SGCZ: variants seen among roughly 807,000 people sequenced by gnomAD.
SGCZ encodes zeta-sarcoglycan.
A neutral mutation model predicts 41.3 loss-of-function variants in SGCZ; 40 were observed. That is an observed-to-expected ratio of 0.97 (90% CI 0.75 to 1.26). The LOEUF (loss-of-function observed/expected upper bound fraction) is 1.26, where lower values mean the gene tolerates loss of function less well. Ranked by LOEUF, SGCZ falls within the 50% of genes most tolerant of loss-of-function variation. SGCZ has a pLI of 0.00. For missense variants in SGCZ, 552 were observed against 369.8 expected (o/e 1.49, Z -4.04); for synonymous variants, 206 against 137.5 (o/e 1.50, Z -3.49).
At chr8:14,461,552 G>C (rs1401008538) in intron 2 of SGCZ, among the ~76,000 whole-genome samples, 1 of 152,036 alleles carries the variant, frequency 6.6e-6, no homozygotes, top group African/African-American at 2.4e-5. Context: ...TTGACCATTA[G>C]CTTGACATGC....
chr8:14,706,048 T>C (rs1440393841), intron 1 of SGCZ, among the ~76,000 whole-genome samples: 4 of 152,004 alleles, frequency 2.6e-5, no homozygotes, highest in Admixed American at 1.3e-4. Flanking sequence ...TTATTTTTCT[T>C]TTATTGGGCA....
At chr8:14,473,466 T>C (rs895143311) in intron 2 of SGCZ, among the ~76,000 whole-genome samples, 5 of 152,158 alleles carry the variant, frequency 3.3e-5, no homozygotes. Context: ...CAAGAAAGTA[T>C]ACATAACATT....
chr8:14,567,201 G>A (rs12682064), intron 1 of SGCZ, among the ~76,000 whole-genome samples: 16,302 of 152,180 alleles, frequency 0.11, 1,171 homozygotes, highest in East Asian at 0.33. Flanking sequence ...CCCATGGATC[G>A]CCCAAGGGCT....
chr8:14,543,060 T>C (rs1219515166), intron 2 of SGCZ, among the ~76,000 whole-genome samples: 1 of 151,972 alleles, frequency 6.6e-6, no homozygotes, highest in Non-Finnish European at 1.5e-5. Context: ...GGTTTTACTT[T>C]AATCTGTCTG....
At chr8:15,087,216 C>T (rs1227514353) in intron 1 of SGCZ, among the ~76,000 whole-genome samples, 1 of 152,064 alleles carries the variant, frequency 6.6e-6, no homozygotes, top group African/African-American at 2.4e-5. Flanking sequence ...CAACTCATGT[C>T]ACTCTGCTGG....
intron 1 of SGCZ, among the ~76,000 whole-genome samples, chr8:14,839,012 A>AG (rs894700406): frequency 6.6e-6 from 1 of 152,134 alleles, no homozygotes; most frequent in Non-Finnish European, 1.5e-5. Flanking sequence ...AAAGACCTGG[A>AG]GGGTCTTGAG....
intron 2 of SGCZ, among the ~76,000 whole-genome samples, chr8:14,351,361 T>C (rs1803084006): frequency 6.6e-6 from 1 of 152,076 alleles, no homozygotes; most frequent in Non-Finnish European, 1.5e-5. Flanking sequence ...CTAGCATGGA[T>C]AGAAATTTCT....
chr8:15,114,755 TG>T (rs968765782), intron 1 of SGCZ, among the ~76,000 whole-genome samples: 12 of 150,022 alleles, frequency 8.0e-5, no homozygotes, highest in Middle Eastern at 3.4e-3. Context: ...GTTTTCTTTT[TG>T]TTTTTTTTTT....
At chr8:14,971,561 G>A (rs780854043) in intron 1 of SGCZ, among the ~76,000 whole-genome samples, 4 of 150,474 alleles carry the variant, frequency 2.7e-5, no homozygotes, top group Non-Finnish European at 5.9e-5. Context: ...ACTAAATTAC[G>A]TAGATTGGTT....
intron 2 of SGCZ, among the ~76,000 whole-genome samples, chr8:14,488,362 T>C (rs188126118): frequency 2.2e-5 from 2 of 92,652 alleles, no homozygotes; most frequent in East Asian, 6.8e-4. Flanking sequence ...TTTTCATCCA[T>C]TGCTTATGAG....
chr8:15,214,438 AT>A (rs1443096656), intron 1 of SGCZ, among the ~76,000 whole-genome samples: 1 of 152,144 alleles, frequency 6.6e-6, no homozygotes, highest in African/African-American at 2.4e-5. Context: ...ACTGAGGTTT[AT>A]TTGACTGTTT....
chr8:14,286,862 G>C (rs572644661), intron 3 of SGCZ, among the ~76,000 whole-genome samples: 2 of 152,086 alleles, frequency 1.3e-5, no homozygotes, highest in South Asian at 2.1e-4. Flanking sequence ...AGTACTTTTT[G>C]AGTGCTGGTA....
chr8:14,930,207 C>T (rs1169801681), intron 1 of SGCZ, among the ~76,000 whole-genome samples: 1 of 151,980 alleles, frequency 6.6e-6, no homozygotes, highest in South Asian at 2.1e-4. Context: ...CAAAAGAAGA[C>T]ATTTATGCAG....
intron 4 of SGCZ, among the ~76,000 whole-genome samples, chr8:14,227,264 T>C (rs1201101688): frequency 1.3e-5 from 2 of 152,104 alleles, no homozygotes; most frequent in Non-Finnish European, 2.9e-5. Flanking sequence ...GCAAACAGTT[T>C]TCTTTATTCT....
At chr8:15,079,175 T>C (rs1392782132) in intron 1 of SGCZ, among the ~76,000 whole-genome samples, 2 of 152,224 alleles carry the variant, frequency 1.3e-5, no homozygotes, top group African/African-American at 4.8e-5. Flanking sequence ...ACACCTGTTT[T>C]AGTTTTTCCT....
chr8:15,214,727 C>A (rs895648861), intron 1 of SGCZ, among the ~76,000 whole-genome samples: 1 of 152,126 alleles, frequency 6.6e-6, no homozygotes. Flanking sequence ...ACCTCAGACT[C>A]AAATTCTGAA....
At chr8:14,147,974 T>G (rs1393893670) in intron 5 of SGCZ, among the ~76,000 whole-genome samples, 2 of 152,028 alleles carry the variant, frequency 1.3e-5, no homozygotes, top group African/African-American at 4.8e-5. Context: ...ATAAAGAAAT[T>G]AAGAAGGAAA....
At chr8:14,345,058 A>G (rs116797384) in intron 2 of SGCZ, among the ~76,000 whole-genome samples, 1,766 of 152,224 alleles carry the variant, frequency 0.012, 37 homozygotes, top group African/African-American at 0.038. Flanking sequence ...TTTTTTTCAT[A>G]TTCTGTAGAG....
intron 5 of SGCZ, among the ~76,000 whole-genome samples, chr8:14,141,566 G>T (rs538854580): frequency 2.0e-4 from 31 of 152,182 alleles, no homozygotes; most frequent in Admixed American, 1.4e-3. Flanking sequence ...CATGCAAAAA[G>T]GCTCATCATC....
Sources: allele counts gnomAD v4.1 joint callset (sites outside exome capture counted in the v4.1 genomes callset), GRCh38; gene constraint gnomAD v4.1.1; transcripts MANE v1.5; gene names NCBI Gene and HGNC (gene_info 2026-07-23, HGNC 2026-07-21).